SATB2: variants seen among roughly 807,000 people sequenced by gnomAD.
SATB2 encodes the protein SATB homeobox 2.
In SATB2, 1 loss-of-function variant was observed where a neutral mutation model predicts 73.4. The ratio of observed to expected loss-of-function variants is 0.01; its 90% CI spans 0.00 to 0.06. SATB2 has a LOEUF of 0.06. SATB2 is among the 10% of genes least tolerant of loss of function. The pLI is 1.00. For synonymous variants in SATB2, 397 were observed against 367.0 expected (o/e 1.08, Z -0.93); for missense variants, 459 against 945.8 (o/e 0.49, Z 6.75).
chr2:199,357,995 A>G (rs1009730126), intron 6 of SATB2, among the ~76,000 whole-genome samples: 4 of 152,166 alleles, frequency 2.6e-5, no homozygotes, highest in African/African-American at 9.6e-5. Flanking sequence ...AACTATATGA[A>G]ATTGGCGATA....
In SATB2 at chr2:199,308,684, C is replaced by T. The variant is rs1687507651; in HGVS notation, c.1740+76G>A. ...CTGACAGAAGTTGGTGTGGTGTGTG[C>T]CACTTGGACCCTCAGCAGCTACTGC... is the stretch of plus-strand genomic sequence containing the variant. On this transcript the variant is annotated intron_variant, in intron 10 of 10. Transcript: ENST00000417098. This position sits in a 1 kb window ranked among gnomAD's most constrained non-coding sequence, Gnocchi z 4.6. 1.5e-5 allele frequency: 19 copies of T among 1,287,730 alleles called. No homozygotes were observed. In the East Asian group the frequency reaches 4.2e-4, roughly 28 times the overall value. 79.8% of individuals were successfully genotyped at this position (1,287,730 alleles called of 1,614,324 possible).
intron 3 of SATB2, among the ~76,000 whole-genome samples, chr2:199,403,190 G>C (rs1432405876): frequency 6.6e-6 from 1 of 152,054 alleles, no homozygotes; most frequent in Non-Finnish European, 1.5e-5. Flanking sequence ...TAAACAACCT[G>C]TGTAAAACCA....
chr2:199,422,369 G>A (rs957364419), intron 3 of SATB2, among the ~76,000 whole-genome samples: 35 of 151,386 alleles, frequency 2.3e-4, no homozygotes, highest in African/African-American at 8.5e-4. Context: ...AACTTTATAA[G>A]TTTATAAGGA....
At chr2:199,384,020 A>C (rs1468665070) in intron 3 of SATB2, among the ~76,000 whole-genome samples, 1 of 152,186 alleles carries the variant, frequency 6.6e-6, no homozygotes, top group Non-Finnish European at 1.5e-5. Context: ...ATATGCATAC[A>C]TTTTTGTATG....
At chr2:199,402,342 G>A (rs1319643112) in intron 3 of SATB2, among the ~76,000 whole-genome samples, 4 of 152,034 alleles carry the variant, frequency 2.6e-5, no homozygotes, top group African/African-American at 7.2e-5. Flanking sequence ...CTGAGATCAC[G>A]CCACTGCACT....
At chr2:199,412,585 C>T (rs2105904756) in intron 3 of SATB2, among the ~76,000 whole-genome samples, 1 of 152,314 alleles carries the variant, frequency 6.6e-6, no homozygotes, top group East Asian at 1.9e-4. Context: ...TCTTTGTCTT[C>T]TCTCCCCAAC....
chr2:199,425,381 T>A (rs942812994), intron 3 of SATB2, among the ~76,000 whole-genome samples: 6 of 152,150 alleles, frequency 3.9e-5, no homozygotes, highest in African/African-American at 1.4e-4. Context: ...TGGCCTATCA[T>A]CCCAAGCAAA....
chr2:199,463,735 C>T lies in SATB2; in HGVS notation c.-141+1101G>A, dbSNP rs1470200140. On this transcript the variant is annotated intron_variant, in intron 1 of 11. Coordinates refer to the SATB2 transcript ENST00000260926. This position sits in a 1 kb window ranked among gnomAD's most constrained non-coding sequence, Gnocchi z 6.4. ...GCCACTCAACACAAAAACGCCCTGG[C>T]GCGTGCAAAATACGAACGCCCACAG... Among the ~76,000 whole-genome samples the T allele has an allele frequency of 6.6e-6, 1 of 152,194 alleles. No individual in the cohort carries two copies. The highest frequency in any genetic ancestry group is 1.5e-5 in the Non-Finnish European group (1 of 68,030).
intron 4 of SATB2, among the ~76,000 whole-genome samples, chr2:199,381,197 GTTTGTT>G (rs1319806601): frequency 3.2e-4 from 1 of 3,146 alleles, no homozygotes; most frequent in Non-Finnish European, 7.4e-3. Flanking sequence ...GTGTGTTTTT[GTTTGTT>G]TGTTTGTTTG....
intron 3 of SATB2, among the ~76,000 whole-genome samples, chr2:199,427,383 T>C (rs1417360229): frequency 6.6e-6 from 1 of 152,194 alleles, no homozygotes; most frequent in Non-Finnish European, 1.5e-5. Context: ...TAGATTTGTA[T>C]GGCTCCTAAT....
chr2:199,314,749 G>A (rs1687684459), intron 9 of SATB2, among the ~76,000 whole-genome samples: 1 of 152,068 alleles, frequency 6.6e-6, no homozygotes, highest in South Asian at 2.1e-4. Context: ...TGAAAGTCTA[G>A]AAATGAAGGT....
At chr2:199,273,312 C>A (rs186969199) in intron 10 of SATB2, among the ~76,000 whole-genome samples, 17 of 152,266 alleles carry the variant, frequency 1.1e-4, no homozygotes, top group African/African-American at 4.1e-4. Context: ...CTACTCAATT[C>A]TATTCTATTG....
At chr2:199,353,634 C>A (rs1688887722) in intron 6 of SATB2, among the ~76,000 whole-genome samples, 1 of 152,064 alleles carries the variant, frequency 6.6e-6, no homozygotes, top group South Asian at 2.1e-4. Context: ...AGCGTTCTTT[C>A]TTTTTCTCTT....
chr2:199,297,911 T>C (rs1181368747), intron 10 of SATB2, among the ~76,000 whole-genome samples: 6 of 139,710 alleles, frequency 4.3e-5, no homozygotes, highest in Non-Finnish European at 9.4e-5. Context: ...ACTTATCTTT[T>C]AAATAAGTTA....
At chr2:199,274,453 G>C (rs1295067635) in intron 10 of SATB2, among the ~76,000 whole-genome samples, 4 of 152,126 alleles carry the variant, frequency 2.6e-5, no homozygotes, top group Non-Finnish European at 5.9e-5. Flanking sequence ...CTTTTATGTA[G>C]AACTTAACAA....
At chr2:199,310,977 CACTT>C (rs1486048220) in intron 9 of SATB2, among the ~76,000 whole-genome samples, 3 of 152,212 alleles carry the variant, frequency 2.0e-5, no homozygotes, top group Non-Finnish European at 2.9e-5. Flanking sequence ...TCATTACAAT[CACTT>C]AGAACAACAC....
intron 5 of SATB2, among the ~76,000 whole-genome samples, chr2:199,376,283 T>C (rs1184710178): frequency 3.3e-5 from 5 of 152,228 alleles, no homozygotes; most frequent in Non-Finnish European, 7.3e-5. Flanking sequence ...CTCTATTCAC[T>C]GTTTCTAGTT....
At chr2:199,426,443 T>A (rs924568879) in intron 3 of SATB2, among the ~76,000 whole-genome samples, 5 of 151,694 alleles carry the variant, frequency 3.3e-5, no homozygotes, top group Non-Finnish European at 7.4e-5. Context: ...TGTGCGCCAC[T>A]GTGCCTGGCT....
intron 10 of SATB2, among the ~76,000 whole-genome samples, chr2:199,276,736 C>A (rs374606858): frequency 1.6e-5 from 2 of 127,212 alleles, no homozygotes; most frequent in African/African-American, 3.0e-5. Context: ...GGACCAAGGT[C>A]TTTCCAGCAT....
Sources: allele counts gnomAD v4.1 joint callset (sites outside exome capture counted in the v4.1 genomes callset), GRCh38; gene constraint gnomAD v4.1.1; non-coding constraint Gnocchi (gnomAD v3.1); transcripts MANE v1.5; gene names NCBI Gene and HGNC (gene_info 2026-07-23, HGNC 2026-07-21).